The following GUCY2F variants were observed in gnomAD, a reference collection of about 807,000 sequenced individuals.
GUCY2F encodes retinal guanylyl cyclase 2.
In GUCY2F, 61 loss-of-function variants were observed where a neutral mutation model predicts 73.1. The ratio of observed to expected loss-of-function variants is 0.83; its 90% CI spans 0.68 to 1.03. The LOEUF is 1.03. GUCY2F is among the 50% of genes least tolerant of loss of function. The probability of loss-of-function intolerance (pLI) is 0.00; values close to 1 mark genes in which losing one functional copy is unlikely to be tolerated. For synonymous variants in GUCY2F, 331 were observed against 307.8 expected (o/e 1.08, Z -0.79); for missense variants, 912 against 854.3 (o/e 1.07, Z -0.84).
chrX:109,445,851 A>G (rs1185714284), intron 6 of GUCY2F, among the ~76,000 whole-genome samples: 2 of 111,835 alleles, frequency 1.8e-5, no homozygotes, highest in Admixed American at 9.5e-5. Context: ...TTTGCAGATG[A>G]CATGATTGTA....
chrX:109,381,471 G>T (rs1405549798), intron 17 of GUCY2F, among the ~76,000 whole-genome samples: 1 of 111,812 alleles, frequency 8.9e-6, no homozygotes, highest in Non-Finnish European at 1.9e-5. Flanking sequence ...GGGTCAACCG[G>T]TGGTCTTTGG....
At chrX:109,405,227 A>T (rs1415475331) in intron 9 of GUCY2F, among the ~76,000 whole-genome samples, 2 of 112,546 alleles carry the variant, frequency 1.8e-5, no homozygotes, top group Non-Finnish European at 3.7e-5. Flanking sequence ...TCTGTAATGC[A>T]TATAAATACA....
chrX:109,395,483 A>G lies in GUCY2F; in HGVS notation c.2282T>C (p.Ile761Thr). 1 of 1,199,694 alleles carries G rather than the reference A, an allele frequency of 8.3e-7. No individual in the cohort carries two copies. The highest frequency in any genetic ancestry group is 1.1e-6 in the Non-Finnish European group (1 of 886,583). Residue 761 changes from isoleucine (I) to threonine (T), a missense_variant, in exon 12 of 20, where the codon ATA becomes ACA. Ile to Thr is a moderately conservative substitution (Grantham distance 89, BLOSUM62 -1). Coordinates refer to ENST00000218006, the MANE Select transcript of GUCY2F (RefSeq NM_001522.3). ...CMMDLPAQEIINRLKKPPPVY... is the reference protein window; with the variant it reads ...CMMDLPAQEITNRLKKPPPVY... ...AGGAGGAGGCTTCTTAAGTCTGTTT[A>G]TGATTTCTGTCCAGATGCGAGAAGA...
At chrX:109,402,014 C>A (rs768062498) in intron 10 of GUCY2F, among the ~76,000 whole-genome samples, 1 of 111,519 alleles carries the variant, frequency 9.0e-6, no homozygotes, top group Non-Finnish European at 1.9e-5. Flanking sequence ...CAGGGCTCAG[C>A]TCGTAAGCCA....
At chrX:109,431,591 C>A (rs1931614805) in intron 7 of GUCY2F, among the ~76,000 whole-genome samples, 1 of 108,729 alleles carries the variant, frequency 9.2e-6, no homozygotes, top group South Asian at 4.1e-4. Context: ...CTCAGCTACT[C>A]AGGAGGCTGA....
At chrX:109,385,131 C>T (rs1197676415) in intron 16 of GUCY2F, 53 bp downstream of exon 16, 1 of 569,926 alleles carries the variant, frequency 1.8e-6, no homozygotes, top group East Asian at 3.7e-5. Flanking sequence ...GAAGAATCAC[C>T]TTCTCAATAG....
At chrX:109,451,293 A>C (rs1192317976) in intron 5 of GUCY2F, among the ~76,000 whole-genome samples, 1 of 111,657 alleles carries the variant, frequency 9.0e-6, no homozygotes, top group Non-Finnish European at 1.9e-5. Context: ...AAGGGATCTG[A>C]GAGAGGAAGA....
intron 13 of GUCY2F, 120 bp downstream of exon 13, chrX:109,392,772 G>A: frequency 2.2e-6 from 1 of 448,124 alleles, no homozygotes; most frequent in Non-Finnish European, 3.9e-6. Flanking sequence ...TAGGAGAAGA[G>A]AAGGTGCAGG....
intron 17 of GUCY2F, among the ~76,000 whole-genome samples, chrX:109,377,594 A>T (rs1343312579): frequency 8.9e-6 from 1 of 111,801 alleles, no homozygotes; most frequent in Non-Finnish European, 1.9e-5. Flanking sequence ...AAATAATCAG[A>T]CTGTTTCATT....
At chrX:109,415,636 T>C (rs1056791121) in intron 8 of GUCY2F, among the ~76,000 whole-genome samples, 1 of 112,025 alleles carries the variant, frequency 8.9e-6, no homozygotes. Flanking sequence ...ACTTGTAGAC[T>C]TTTGGAAGGA....
chrX:109,473,452 C>T (rs1214550167), intron 2 of GUCY2F, among the ~76,000 whole-genome samples: 1 of 111,808 alleles, frequency 8.9e-6, no homozygotes, highest in Non-Finnish European at 1.9e-5. Context: ...TACAAGCGCC[C>T]GGGAAGCTAT....
intron 17 of GUCY2F, among the ~76,000 whole-genome samples, chrX:109,380,861 GA>G (rs998460440): frequency 7.1e-5 from 8 of 112,243 alleles, no homozygotes; most frequent in Non-Finnish European, 1.5e-4. Context: ...CAATGCAGAG[GA>G]AAAGGTCTTC....
intron 5 of GUCY2F, among the ~76,000 whole-genome samples, chrX:109,448,522 C>G (rs1279100517): frequency 2.7e-5 from 3 of 112,177 alleles, no homozygotes; most frequent in African/African-American, 9.7e-5. Context: ...AACTCAACAC[C>G]CTTTCTCATA....
chrX:109,448,107 C>A lies in GUCY2F; in HGVS notation c.1531G>T (p.Glu511Ter). The change falls in exon 6 of 20, where the codon GAG (glutamate) becomes TAG (stop). Residue 511 changes from glutamate (E) to a stop codon, truncating the protein, a stop_gained. Coordinates refer to ENST00000218006, the MANE Select transcript of GUCY2F (RefSeq NM_001522.3). LOFTEE classifies it high-confidence loss of function. ...KGPNRILLTL[E>*]DVTFINPHFG... ...TGGGGATTGATAAACGTTACATCCT[C>A]CAAAGTCAGTAGAATTCTATTGGGT... 8.8e-7 allele frequency: 1 copy of A among 1,133,163 alleles called. No individual in the cohort carries two copies. Among genetic ancestry groups the A allele is most frequent in the Non-Finnish European group, 1.2e-6 (1 of 824,675 alleles). The allele number at this position is 1,133,163 out of a possible 1,213,427, so 93.4% of individuals were successfully genotyped here.
rs140792284 is a variant in GUCY2F at position 109,437,671 on chromosome X, G to C, written c.1701+3680C>G. 3.4e-3 allele frequency among the ~76,000 whole-genome samples: 381 copies of C among 112,975 alleles called. 3 individuals carry two copies. Among genetic ancestry groups the C allele is most frequent in the African/African-American group, 0.012 (363 of 31,143 alleles). On this transcript the variant is annotated intron_variant, in intron 7 of 19. Transcript: ENST00000218006. ...GCCCCACCTCATGCCAACTGAATCA[G>C]AATTGCTGAGGGTGGGGCCTGGGAG...
intron 7 of GUCY2F, among the ~76,000 whole-genome samples, chrX:109,434,948 G>A (rs1356333451): frequency 7.3e-5 from 8 of 109,468 alleles, no homozygotes; most frequent in Admixed American, 9.7e-5. Context: ...GATATGTGGC[G>A]TTATTTCTGA....
At chrX:109,392,812 T>G in intron 13 of GUCY2F, 80 bp downstream of exon 13, 1 of 610,296 alleles carries the variant, frequency 1.6e-6, no homozygotes, top group Non-Finnish European at 2.6e-6. Flanking sequence ...AGTTGATGGG[T>G]AATTTTTTTC....
intron 3 of GUCY2F, among the ~76,000 whole-genome samples, chrX:109,454,163 G>A (rs1489146428): frequency 9.0e-6 from 1 of 111,491 alleles, no homozygotes; most frequent in Non-Finnish European, 1.9e-5. Context: ...AATTATAAAG[G>A]GCACTTAAGA....
chrX:109,409,216 TG>T, intron 8 of GUCY2F, 48 bp from the exon 9 acceptor site: 1 of 673,519 alleles, frequency 1.5e-6, no homozygotes. Flanking sequence ...CTGTCTCAAC[TG>T]GGGACCACAG....
Sources: allele counts gnomAD v4.1 joint callset (sites outside exome capture counted in the v4.1 genomes callset), GRCh38; gene constraint gnomAD v4.1.1; transcripts MANE v1.5; gene names NCBI Gene and HGNC (gene_info 2026-07-23, HGNC 2026-07-21).